The following TAOK3 variants were observed in gnomAD, a reference collection of about 807,000 sequenced individuals.
The protein encoded by TAOK3 is serine/threonine-protein kinase TAO3.
A neutral mutation model predicts 120.4 loss-of-function variants in TAOK3; 40 were observed. The observed-to-expected ratio is 0.33, with a 90% CI of 0.26 to 0.43. The LOEUF is 0.43. Among genes scored for constraint, TAOK3 ranks in the 20% least tolerant of loss-of-function variants. The probability of loss-of-function intolerance (pLI) is 1.00; values close to 1 mark genes in which losing one functional copy is unlikely to be tolerated. For missense variants in TAOK3, 821 were observed against 1,112.1 expected, an observed-to-expected ratio of 0.74 and a Z score of 3.72; for synonymous variants, 355 against 387.5, an observed-to-expected ratio of 0.92 and a Z score of 0.99.
At chr12:118,342,344 A>C (rs1454084316) in intron 1 of TAOK3, among the ~76,000 whole-genome samples, 1 of 152,226 alleles carries the variant, frequency 6.6e-6, no homozygotes, top group Non-Finnish European at 1.5e-5. Flanking sequence ...GCACAACATG[A>C]AATAGCCTTG....
chr12:118,346,398 A>G (rs898662753), intron 1 of TAOK3, among the ~76,000 whole-genome samples: 4 of 152,250 alleles, frequency 2.6e-5, no homozygotes, highest in East Asian at 1.9e-4. Context: ...ATTACTTTCA[A>G]TGAAATGAAT....
chr12:118,235,410 G>A, intron 8 of TAOK3, 148 bp downstream of exon 8: 1 of 572,040 alleles, frequency 1.7e-6, no homozygotes, highest in Admixed American at 3.0e-5. Context: ...TTCTTTTTAT[G>A]CCAGTGGGCT....
chr12:118,203,345 A>G (rs895785245), intron 11 of TAOK3, among the ~76,000 whole-genome samples: 1 of 152,180 alleles, frequency 6.6e-6, no homozygotes, highest in Admixed American at 6.5e-5. Context: ...TTTCAATATT[A>G]TTAATGATTG....
chr12:118,298,612 G>A (rs1316568717), intron 1 of TAOK3, among the ~76,000 whole-genome samples: 1 of 152,130 alleles, frequency 6.6e-6, no homozygotes, highest in Admixed American at 6.6e-5. Flanking sequence ...TTGGATAGAA[G>A]TGAAGATGAT....
At chr12:118,208,407 T>A (rs979998604) in intron 11 of TAOK3, among the ~76,000 whole-genome samples, 1 of 120,432 alleles carries the variant, frequency 8.3e-6, no homozygotes, top group African/African-American at 3.2e-5. Context: ...GCATAAAGAA[T>A]GTCAAAAGAG....
At chr12:118,356,638 T>C (rs970827972) in intron 1 of TAOK3, among the ~76,000 whole-genome samples, 3 of 151,772 alleles carry the variant, frequency 2.0e-5, no homozygotes, top group African/African-American at 7.3e-5. Flanking sequence ...TATGGCCACG[T>C]GCAGTGGCTC....
intron 1 of TAOK3, among the ~76,000 whole-genome samples, chr12:118,356,107 G>A (rs964694537): frequency 3.3e-5 from 5 of 152,112 alleles, no homozygotes; most frequent in Non-Finnish European, 5.9e-5. Flanking sequence ...TGATACAAAT[G>A]ATAGCTTCCT....
At position 118,239,286 on chromosome 12, in the gene TAOK3, A is replaced by G. The variant is rs764895240; in HGVS notation, c.295-14T>C. On this transcript the variant is annotated splice_polypyrimidine_tract_variant and intron_variant, in intron 5 of 20. Coordinates refer to ENST00000392533, the MANE Select transcript of TAOK3 (RefSeq NM_016281.4). ...TTCCATCACCAACTATAAGAGATTAAAATAATATTCAGAATAATGAAAGTT... is the reference window on the plus strand; with the variant it reads ...TTCCATCACCAACTATAAGAGATTAGAATAATATTCAGAATAATGAAAGTT... The G allele has an allele frequency of 8.3e-6, 12 of 1,447,618 alleles. No homozygotes were observed. In the Admixed American group the frequency reaches 8.8e-5, roughly 11 times the overall value. 89.7% of individuals were successfully genotyped at this position (1,447,618 alleles called of 1,614,324 possible).
chr12:118,182,323 T>A (rs1211043341), intron 14 of TAOK3, among the ~76,000 whole-genome samples: 2 of 152,058 alleles, frequency 1.3e-5, no homozygotes, highest in Non-Finnish European at 2.9e-5. Context: ...CATCTCTGTA[T>A]AACTCCAGAG....
At chr12:118,231,591 T>C (rs1470001104) in intron 9 of TAOK3, among the ~76,000 whole-genome samples, 1 of 152,140 alleles carries the variant, frequency 6.6e-6, no homozygotes. Flanking sequence ...GAAACCTTAA[T>C]AGAATTACAT....
In TAOK3 at chr12:118,158,640, T is replaced by C. The variant is rs567652100; in HGVS notation, c.2352+1506A>G. ...CATTAGCATGTTCTCTCATCACCTT[T>C]TTCCTGAACTATTATAATGGCTTCC... is the stretch of plus-strand genomic sequence containing the variant. On this transcript the variant is annotated intron_variant, in intron 19 of 20. Coordinates refer to ENST00000392533, the MANE Select transcript of TAOK3 (RefSeq NM_016281.4). 3.3e-5 allele frequency among the ~76,000 whole-genome samples: 5 copies of C among 152,344 alleles called. No individual in the cohort carries two copies. In the South Asian group the frequency reaches 1.0e-3, roughly 32 times the overall value.
intron 1 of TAOK3, among the ~76,000 whole-genome samples, chr12:118,323,350 T>C (rs928492366): frequency 2.6e-5 from 4 of 152,088 alleles, no homozygotes; most frequent in African/African-American, 9.7e-5. Context: ...TCTTATTCAA[T>C]AAAATGACAT....
At chr12:118,305,904 CAAAAAA>C (rs71450271) in intron 1 of TAOK3, among the ~76,000 whole-genome samples, 2 of 58,376 alleles carry the variant, frequency 3.4e-5, no homozygotes, top group South Asian at 1.1e-3. Context: ...GACTCCGTCT[CAAAAAA>C]AAAAAAAAAA....
At chr12:118,283,802 A>G in intron 1 of TAOK3, 1 of 189,010 alleles carries the variant, frequency 5.3e-6, no homozygotes. Context: ...GGTGGGCACA[A>G]AGGATTGGAG....
intron 1 of TAOK3, among the ~76,000 whole-genome samples, chr12:118,283,426 G>A (rs982383592): frequency 6.6e-6 from 1 of 152,114 alleles, no homozygotes; most frequent in African/African-American, 2.4e-5. Context: ...TATTTTGATT[G>A]TTCTGTAAAG....
chr12:118,327,024 C>T (rs1195943351), intron 1 of TAOK3, among the ~76,000 whole-genome samples: 1 of 152,144 alleles, frequency 6.6e-6, no homozygotes, highest in Non-Finnish European at 1.5e-5. Flanking sequence ...CATACATCTG[C>T]ACATATCAGT....
At chr12:118,241,022 T>G (rs1016128736) in intron 5 of TAOK3, among the ~76,000 whole-genome samples, 10 of 149,374 alleles carry the variant, frequency 6.7e-5, no homozygotes, top group Admixed American at 3.4e-4. Flanking sequence ...ATAAGTATAC[T>G]GTGTCTATAT....
Position 118,152,392 on chromosome 12 carries a change from A to T in TAOK3, c.2370T>A (p.Ala790=). The T allele has an allele frequency of 6.2e-7, 1 of 1,612,388 alleles. No individual in the cohort carries two copies. Among genetic ancestry groups the T allele is most frequent in the Non-Finnish European group, 8.5e-7 (1 of 1,179,706 alleles). Residue 790 remains alanine (A), a synonymous_variant, in exon 20 of 21, where the codon GCT becomes GCA. Coordinates refer to ENST00000392533, the MANE Select transcript of TAOK3 (RefSeq NM_016281.4). The part of the protein sequence containing the change: ...MASQALRLDE[A]QEAECQALRL... Reference sequence around the variant, plus strand: ...TCAAGGCCTGGCATTCTGCTTCTTGAGCCTCATCTAGCCGTAACTGCGGAC... The same window carrying T: ...TCAAGGCCTGGCATTCTGCTTCTTGTGCCTCATCTAGCCGTAACTGCGGAC...
intron 1 of TAOK3, among the ~76,000 whole-genome samples, chr12:118,295,731 C>G (rs1172682370): frequency 6.6e-6 from 1 of 152,150 alleles, no homozygotes; most frequent in Non-Finnish European, 1.5e-5. Flanking sequence ...ATAATTCTAT[C>G]CAGTCTCTAG....
Sources: allele counts gnomAD v4.1 joint callset (sites outside exome capture counted in the v4.1 genomes callset), GRCh38; gene constraint gnomAD v4.1.1; transcripts MANE v1.5; gene names NCBI Gene and HGNC (gene_info 2026-07-23, HGNC 2026-07-21).